NUTM2F: variants seen among roughly 807,000 people sequenced by gnomAD.
NUTM2F encodes NUT family member 2F, also known as family with sequence similarity 22, member F.
In NUTM2F, 22 loss-of-function variants were observed where a neutral mutation model predicts 43.3. The observed-to-expected ratio is 0.51, with a 90% CI of 0.36 to 0.73. The LOEUF is 0.73. Among genes scored for constraint, NUTM2F ranks in the 30% least tolerant of loss-of-function variants. The probability of loss-of-function intolerance (pLI) is 0.00; values close to 1 mark genes in which losing one functional copy is unlikely to be tolerated. For synonymous variants in NUTM2F, 202 were observed against 389.0 expected (o/e 0.52, Z 5.66); for missense variants, 488 against 927.4 (o/e 0.53, Z 6.15).
At chr9:94,322,024 C>T (rs1404604926) in intron 3 of NUTM2F, among the ~76,000 whole-genome samples, 177 bp downstream of exon 3, 4 of 150,966 alleles carry the variant, frequency 2.6e-5, no homozygotes, top group Non-Finnish European at 4.4e-5. Flanking sequence ...GGGACAGAGA[C>T]CCCAGAGCAC....
chr9:94,323,879 C>T (rs573226358), intron 2 of NUTM2F, among the ~76,000 whole-genome samples: 39 of 152,248 alleles, frequency 2.6e-4, no homozygotes, highest in East Asian at 3.9e-4. Context: ...GTGCCAGGTT[C>T]CTGCTGGGCC....
At chr9:94,319,860 G>A (rs1831332840) in intron 5 of NUTM2F, 131 bp from the exon 6 acceptor site, 27 of 1,042,832 alleles carry the variant, frequency 2.6e-5, no homozygotes, top group South Asian at 2.5e-4. Context: ...ATATCATGGC[G>A]ACCACCAGCT....
chr9:94,322,172 G>A (rs565480302), intron 3 of NUTM2F, 29 bp downstream of exon 3: 78 of 1,611,690 alleles, frequency 4.8e-5, no homozygotes, highest in Middle Eastern at 2.3e-4. Context: ...CCCGCCACAC[G>A]GGCCCTGCCC....
chr9:94,323,257 G>C (rs147359207), intron 2 of NUTM2F, among the ~76,000 whole-genome samples: 10,078 of 152,224 alleles, frequency 0.066, 757 homozygotes, highest in African/African-American at 0.18. Flanking sequence ...ACCAGTTCCA[G>C]GGTGTGGGGG....
At chr9:94,319,592 C>G in intron 6 of NUTM2F, 21 bp downstream of exon 6, 1 of 1,612,374 alleles carries the variant, frequency 6.2e-7, no homozygotes, top group African/African-American at 1.3e-5. Context: ...TACCTGGGTT[C>G]CCCTCCCTCC....
chr9:94,319,794 C>A, intron 5 of NUTM2F, 65 bp from the exon 6 acceptor site: 2 of 1,597,360 alleles, frequency 1.3e-6, no homozygotes, highest in East Asian at 4.5e-5. Context: ...CAAGGACACC[C>A]GGAGGAGATG....
At position 94,325,660 on chromosome 9, in the gene NUTM2F, T is replaced by C; in HGVS notation, c.291A>G (p.Ala97=). 1 of 1,609,620 alleles carries C rather than the reference T, an allele frequency of 6.2e-7. No homozygotes were observed. Among genetic ancestry groups the C allele is most frequent in the Non-Finnish European group, 8.5e-7 (1 of 1,179,348 alleles). The change falls in exon 2 of 7, where the codon GCA becomes GCG. Residue 97 remains alanine, a synonymous_variant. Coordinates refer to ENST00000253262, the MANE Select transcript of NUTM2F (RefSeq NM_017561.2). ...GGGCCTGAGTTAGGATCAAGGTCTG[T>C]GCCTGAGGGGGCTTCACAGGCCCCA... ...TEVGPVKPPQ[A]QTLILTQAPL...
intron 2 of NUTM2F, among the ~76,000 whole-genome samples, chr9:94,324,813 A>AG (rs1831428959): frequency 6.6e-6 from 1 of 151,420 alleles, no homozygotes; most frequent in South Asian, 2.1e-4. Flanking sequence ...CAACATGGAG[A>AG]AACCCCATCT....
chr9:94,321,173 C>T lies in NUTM2F; in HGVS notation c.902G>A (p.Gly301Glu), dbSNP rs2118725246. Reference protein sequence around the residue: ...MQIQKSQWMKGPQSLPPPAPP... With the variant: ...MQIQKSQWMKEPQSLPPPAPP... Reference sequence around the variant, plus strand: ...GGCTGGAGGAGGCAGGCTCTGGGGCCCCTTCATCCACTGCGATTTCTGAAT... The same window carrying T: ...GGCTGGAGGAGGCAGGCTCTGGGGCTCCTTCATCCACTGCGATTTCTGAAT... The change falls in exon 4 of 7, where the codon GGG becomes GAG. Residue 301 changes from glycine (G) to glutamate (E), a missense_variant. Coordinates refer to ENST00000253262, the MANE Select transcript of NUTM2F (RefSeq NM_017561.2). 3 of 1,557,052 alleles carry T rather than the reference C, an allele frequency of 1.9e-6. No homozygotes were observed. In the East Asian group the frequency reaches 7.0e-5, roughly 36 times the overall value.
chr9:94,319,749 G>A lies in NUTM2F; in HGVS notation c.1369-20C>T, dbSNP rs1294942033. The A allele has an allele frequency of 3.1e-6, 5 of 1,599,584 alleles. No individual in the cohort carries two copies. The highest frequency in any genetic ancestry group is 4.5e-5 in the East Asian group (2 of 44,784). On this transcript the variant is annotated intron_variant, in intron 5 of 6. Transcript: ENST00000253262. Reference sequence around the variant, plus strand: ...CTCCACCTGGAAACAGAAGGAAGAAGGTGTGAACTTCCTGGGGAGGGAGTA... The same window carrying A: ...CTCCACCTGGAAACAGAAGGAAGAAAGTGTGAACTTCCTGGGGAGGGAGTA...
intron 2 of NUTM2F, among the ~76,000 whole-genome samples, chr9:94,322,958 A>G (rs1475651999): frequency 6.6e-6 from 1 of 151,258 alleles, no homozygotes; most frequent in African/African-American, 2.4e-5. Context: ...CCTGGGAGCG[A>G]GGGTTAAAGT....
chr9:94,325,884 A>G lies in NUTM2F; in HGVS notation c.67T>C (p.Ser23Pro). The G allele has an allele frequency of 6.2e-7, 1 of 1,611,906 alleles. No homozygotes were observed. The highest frequency in any genetic ancestry group is 1.1e-5 in the South Asian group (1 of 90,988). ...GCAAAGGGCAGAGCCGTGAACACAG[A>G]CAGGGAGGTGCCAGGGTTCACGGTC... ...GVTVNPGTSLSVFTALPFATP... is the reference protein window; with the variant it reads ...GVTVNPGTSLPVFTALPFATP... The change falls in exon 2 of 7, where the codon TCT (serine) becomes CCT (proline). Residue 23 changes from serine to proline, a missense_variant. Ser to Pro is a moderately conservative substitution (Grantham distance 74). Transcript: ENST00000253262.
chr9:94,326,187 G>C (rs931670738), intron 1 of NUTM2F, among the ~76,000 whole-genome samples: 1 of 151,884 alleles, frequency 6.6e-6, no homozygotes, highest in African/African-American at 2.4e-5. Context: ...TGCTGTCTCT[G>C]AGGGTCTCCC....
chr9:94,325,735 G>T lies in NUTM2F; in HGVS notation c.216C>A (p.Gly72=). The change falls in exon 2 of 7, where the codon GGC becomes GGA. Residue 72 remains glycine (G), a synonymous_variant. Transcript: ENST00000253262. ...CGTTGGAAGCCCCGGCCCCACTCGG[G>T]CCGCGGCCATCCTGTCCTGCCACTA... ...TPLVAGQDGR[G]PSGAGASNVF... The T allele has an allele frequency of 3.1e-6, 5 of 1,611,796 alleles. No individual in the cohort carries two copies. The highest frequency in any genetic ancestry group is 4.2e-6 in the Non-Finnish European group (5 of 1,179,850).
In NUTM2F at chr9:94,322,267, T is replaced by C. The variant is rs182361557; in HGVS notation, c.776A>G (p.Gln259Arg). 3,713 of 1,608,238 alleles carry C rather than the reference T, an allele frequency of 2.3e-3. 16 individuals are homozygous for C. The highest frequency in any genetic ancestry group is 5.8e-3 in the South Asian group (527 of 90,658). ...CGTGTGCTGCCATTCCCGCATGGCC[T>C]GCCACAGTCCCTCCTCCAGCGTCAT... ...PTMTLEEGLWQAMREWQHTSN... is the reference protein window; with the variant it reads ...PTMTLEEGLWRAMREWQHTSN... The change falls in exon 3 of 7, where the codon CAG becomes CGG. Residue 259 changes from glutamine to arginine, a missense_variant. By Grantham distance (43) the Gln-to-Arg change is conservative. Coordinates refer to ENST00000253262, the MANE Select transcript of NUTM2F (RefSeq NM_017561.2).
chr9:94,324,169 CT>C (rs1323501286), intron 2 of NUTM2F, among the ~76,000 whole-genome samples: 2 of 151,720 alleles, frequency 1.3e-5, no homozygotes, highest in Non-Finnish European at 2.9e-5. Flanking sequence ...ACTTGGGAGG[CT>C]GAGGCAGGAG....
At chr9:94,321,278 C>T in intron 3 of NUTM2F, 46 bp from the exon 4 acceptor site, 1 of 1,553,468 alleles carries the variant, frequency 6.4e-7, no homozygotes, top group African/African-American at 1.4e-5. Flanking sequence ...GTCCAGGCCC[C>T]CTCCCCCCAG....
In NUTM2F at chr9:94,323,443, G is replaced by A. The variant is rs1016297482; in HGVS notation, c.714-1114C>T. The stretch of plus-strand genomic sequence containing the variant: ...GCGGGGTGGAGAGAGGCAGGGACTG[G>A]GAATGAAACCACAAACTCTCCCAGA... On this transcript the variant is annotated intron_variant, in intron 2 of 6. Coordinates refer to ENST00000253262, the MANE Select transcript of NUTM2F (RefSeq NM_017561.2). Among the ~76,000 whole-genome samples, 40 of 152,262 alleles carry A rather than the reference G, an allele frequency of 2.6e-4. 1 individual carries two copies. The highest frequency in any genetic ancestry group is 9.6e-4 in the African/African-American group (40 of 41,556).
At position 94,318,986 on chromosome 9, in the gene NUTM2F, A is replaced by G. The variant is rs1411437559; in HGVS notation, c.1750T>C (p.Ser584Pro). ...GGCCGGACAGCCTTCAGCCTGGGGG[A>G]ATCCTGACATCCCAAAAGCACAGCA... ...DPAVLLGCQDSPRLKAVRPTS... is the reference protein window; with the variant it reads ...DPAVLLGCQDPPRLKAVRPTS... The change falls in exon 7 of 7, where the codon TCC becomes CCC. Residue 584 changes from serine (S) to proline (P), a missense_variant. Physicochemically the swap from Ser to Pro is moderately conservative, Grantham distance 74. Coordinates refer to ENST00000253262, the MANE Select transcript of NUTM2F (RefSeq NM_017561.2). 5 of 1,610,766 alleles carry G rather than the reference A, an allele frequency of 3.1e-6. No homozygotes were observed. In the South Asian group the frequency reaches 4.4e-5, roughly 14 times the overall value.
Sources: allele counts gnomAD v4.1 joint callset (sites outside exome capture counted in the v4.1 genomes callset), GRCh38; gene constraint gnomAD v4.1.1; transcripts MANE v1.5; gene names NCBI Gene and HGNC (gene_info 2026-07-23, HGNC 2026-07-21).